FER: variants seen among roughly 807,000 people sequenced by gnomAD.
The protein encoded by FER is tyrosine-protein kinase Fer.
FER carries 63 observed loss-of-function variants against 111.0 expected under a neutral mutation model. The observed-to-expected ratio is 0.57, with a 90% CI of 0.46 to 0.70. The LOEUF is 0.70. FER is among the 30% of genes least tolerant of loss of function. The pLI is 0.00. For synonymous variants in FER, 327 were observed against 313.9 expected, an observed-to-expected ratio of 1.04 and a Z score of -0.44; for missense variants, 914 against 954.0, an observed-to-expected ratio of 0.96 and a Z score of 0.55.
At chr5:108,933,571 G>C (rs1431922479) in intron 10 of FER, among the ~76,000 whole-genome samples, 3 of 152,026 alleles carry the variant, frequency 2.0e-5, no homozygotes, top group Non-Finnish European at 2.9e-5. Context: ...TATCTTGGCT[G>C]TATAGGCTCA....
At chr5:108,771,598 C>T (rs1752908695) in intron 2 of FER, among the ~76,000 whole-genome samples, 1 of 152,128 alleles carries the variant, frequency 6.6e-6, no homozygotes, top group Admixed American at 6.6e-5. Context: ...TTCTGTATTT[C>T]TCTCTTTTCA....
At chr5:109,128,715 A>C (rs1036213) in intron 17 of FER, among the ~76,000 whole-genome samples, 7,940 of 152,246 alleles carry the variant, frequency 0.052, 260 homozygotes, top group South Asian at 0.086. Context: ...TACCTAAAAT[A>C]ATAAATACAC....
chr5:109,145,053 A>T (rs868369224), intron 17 of FER, among the ~76,000 whole-genome samples: 2 of 151,592 alleles, frequency 1.3e-5, no homozygotes, highest in African/African-American at 4.8e-5. Flanking sequence ...TTTTATGAAA[A>T]TGTAGTTAAG....
At position 108,959,281 on chromosome 5, in the gene FER, T is replaced by C; in HGVS notation, c.1590T>C (p.His530=). 6.2e-7 allele frequency: 1 copy of C among 1,612,090 alleles called. No individual in the cohort carries two copies. The highest frequency in any genetic ancestry group is 1.1e-5 in the South Asian group (1 of 90,964). ...GFSNIPQLID[H]HYTTKQVITK... is the part of the protein sequence containing the mutation. Reference sequence around the variant, plus strand: ...CAAACATTCCTCAACTTATAGATCATCACTATACAACAAAACAGGTCATCA... The same window carrying C: ...CAAACATTCCTCAACTTATAGATCACCACTATACAACAAAACAGGTCATCA... Residue 530 remains histidine, a synonymous_variant, in exon 13 of 20, where the codon CAT becomes CAC. Transcript: ENST00000281092.
intron 16 of FER, among the ~76,000 whole-genome samples, chr5:109,082,428 GCTGT>G (rs1777092960): frequency 6.6e-6 from 1 of 151,980 alleles, no homozygotes; most frequent in African/African-American, 2.4e-5. Flanking sequence ...ATAAAATTCT[GCTGT>G]CTAGATAAAA....
chr5:108,978,369 A>C (rs942135316), intron 13 of FER, among the ~76,000 whole-genome samples: 8 of 152,122 alleles, frequency 5.3e-5, no homozygotes, highest in African/African-American at 1.9e-4. Context: ...CAATTTACCA[A>C]AATCCCTTTC....
chr5:109,012,416 T>C (rs1335186201), intron 13 of FER, among the ~76,000 whole-genome samples: 1 of 152,250 alleles, frequency 6.6e-6, no homozygotes, highest in Non-Finnish European at 1.5e-5. Context: ...AATTAAAGTT[T>C]TATGTACGTA....
chr5:108,986,357 A>G (rs1762576515), intron 13 of FER, among the ~76,000 whole-genome samples: 1 of 149,052 alleles, frequency 6.7e-6, no homozygotes, highest in Admixed American at 6.7e-5. Context: ...CCTTTTTCAG[A>G]TGTATAGATT....
At chr5:109,089,521 A>G (rs1777928024) in intron 16 of FER, among the ~76,000 whole-genome samples, 1 of 152,190 alleles carries the variant, frequency 6.6e-6, no homozygotes, top group Non-Finnish European at 1.5e-5. Context: ...AATCAGCAAG[A>G]TGGCAGAATA....
chr5:108,968,378 A>G (rs1760181289), intron 13 of FER, among the ~76,000 whole-genome samples: 1 of 152,120 alleles, frequency 6.6e-6, no homozygotes, highest in Admixed American at 6.6e-5. Context: ...CAGAGAGAGG[A>G]GACTCCATCT....
chr5:109,046,359 A>C (rs970176836), intron 15 of FER, among the ~76,000 whole-genome samples: 5 of 152,102 alleles, frequency 3.3e-5, no homozygotes, highest in Non-Finnish European at 5.9e-5. Flanking sequence ...ATATATATAT[A>C]TATGCGCTAC....
chr5:109,111,750 C>G (rs1475659413), intron 17 of FER, among the ~76,000 whole-genome samples: 2 of 151,998 alleles, frequency 1.3e-5, no homozygotes, highest in East Asian at 3.9e-4. Flanking sequence ...GACTTTTAAA[C>G]CATCAAATCT....
chr5:109,123,289 G>T lies in FER; in HGVS notation c.2048+22770G>T, dbSNP rs540823127. ...TCCTGCCTCAGCCTCCTGAGTAGCTGGGTCTACAGGCACCCGCCACCGTGC... is the reference window on the plus strand; with the variant it reads ...TCCTGCCTCAGCCTCCTGAGTAGCTTGGTCTACAGGCACCCGCCACCGTGC... On this transcript the variant is annotated intron_variant, in intron 17 of 19. Coordinates refer to ENST00000281092, the MANE Select transcript of FER (RefSeq NM_005246.4). Among the ~76,000 whole-genome samples the T allele has an allele frequency of 4.0e-5, 6 of 151,556 alleles. No homozygotes were observed. The South Asian group carries it at 1.0e-3, about 26-fold the overall frequency.
chr5:108,927,271 T>TTTTTTTTTTA (rs1753893654), intron 10 of FER, among the ~76,000 whole-genome samples: 1 of 134,242 alleles, frequency 7.4e-6, no homozygotes, highest in Non-Finnish European at 1.6e-5. Context: ...TTTTTTTTTT[T>TTTTTTTTTTA]GAGACGGAGT....
chr5:109,041,500 C>T (rs1001605448), intron 14 of FER, among the ~76,000 whole-genome samples: 15 of 151,744 alleles, frequency 9.9e-5, no homozygotes, highest in African/African-American at 3.4e-4. Context: ...AGAAGCCAAC[C>T]GGAAGTTGAA....
At chr5:109,028,385 A>C (rs1347146427) in intron 13 of FER, among the ~76,000 whole-genome samples, 1 of 152,236 alleles carries the variant, frequency 6.6e-6, no homozygotes, top group African/African-American at 2.4e-5. Flanking sequence ...TTGAAACTTA[A>C]AATAGAATTT....
intron 10 of FER, among the ~76,000 whole-genome samples, chr5:108,944,881 AAC>A (rs1756771978): frequency 1.5e-5 from 2 of 133,240 alleles, no homozygotes; most frequent in Non-Finnish European, 3.4e-5. Context: ...TATCCTGTCT[AAC>A]ACACAATATG....
intron 9 of FER, among the ~76,000 whole-genome samples, chr5:108,885,803 G>A (rs560174399): frequency 7.0e-4 from 106 of 151,898 alleles, no homozygotes; most frequent in African/African-American, 2.3e-3. Context: ...GAATCGATGA[G>A]CCCTGTAAAG....
At chr5:109,119,155 A>C (rs557301470) in intron 17 of FER, among the ~76,000 whole-genome samples, 46 of 152,116 alleles carry the variant, frequency 3.0e-4, no homozygotes, top group African/African-American at 1.1e-3. Context: ...TAGTGCTATA[A>C]ATTTCCCTCT....
Sources: allele counts gnomAD v4.1 joint callset (sites outside exome capture counted in the v4.1 genomes callset), GRCh38; gene constraint gnomAD v4.1.1; transcripts MANE v1.5; gene names NCBI Gene and HGNC (gene_info 2026-07-23, HGNC 2026-07-21).